The following KCNQ1 variants were observed in gnomAD, a reference collection of about 807,000 sequenced individuals.
The protein encoded by KCNQ1 is potassium voltage-gated channel subfamily Q member 1.
A neutral mutation model predicts 72.4 loss-of-function variants in KCNQ1; 49 were observed. The ratio of observed to expected loss-of-function variants is 0.68; its 90% CI spans 0.54 to 0.86. The LOEUF (loss-of-function observed/expected upper bound fraction) is 0.86, where lower values mean the gene tolerates loss of function less well. Among genes scored for constraint, KCNQ1 ranks in the 40% least tolerant of loss-of-function variants. The probability of loss-of-function intolerance (pLI) is 0.00; values close to 1 mark genes in which losing one functional copy is unlikely to be tolerated. For synonymous variants in KCNQ1, 450 were observed against 412.6 expected, an observed-to-expected ratio of 1.09 and a Z score of -1.10; for missense variants, 790 against 945.1, an observed-to-expected ratio of 0.84 and a Z score of 2.15.
chr11:2,622,719 A>C (rs1393094882), intron 10 of KCNQ1: 9 of 398,318 alleles, frequency 2.3e-5, no homozygotes, highest in Non-Finnish European at 4.0e-5. Context: ...TATTTTAAAG[A>C]CTTTATATTT....
rs901780661 is a variant in KCNQ1, at chr11:2,458,945, G to T, written c.386+13461G>T. The stretch of plus-strand genomic sequence containing the variant: ...CCTCAATAAATGATGACAAATATTG[G>T]ATTAAATTACTTCTGGTTTGCTGCA... On this transcript the variant is annotated intron_variant, in intron 1 of 15. Transcript: ENST00000155840. This position sits in a 1 kb window ranked among gnomAD's most constrained non-coding sequence, Gnocchi z 4.6. 6.6e-6 allele frequency among the ~76,000 whole-genome samples: 1 copy of T among 152,182 alleles called. No individual in the cohort carries two copies. The highest frequency in any genetic ancestry group is 6.5e-5 in the Admixed American group (1 of 15,286).
At chr11:2,791,089 G>C (rs942694745) in intron 15 of KCNQ1, among the ~76,000 whole-genome samples, 1 of 152,252 alleles carries the variant, frequency 6.6e-6, no homozygotes, top group African/African-American at 2.4e-5. Context: ...ATATTGGCCA[G>C]AGAGGAAATT....
chr11:2,661,562 G>A lies in KCNQ1; in HGVS notation c.1394-399G>A. ...CACTACTCTGTCAATGTATGAGTGT[G>A]ACAATGTATGGTGGTGGGAGCTGTT... On this transcript the variant is annotated intron_variant, in intron 10 of 15. Transcript: ENST00000155840. The surrounding 1 kb of genome is among the most constrained non-coding windows in gnomAD (Gnocchi z 5.9). The A allele has an allele frequency of 1.8e-6, 1 of 544,802 alleles. No homozygotes were observed. The highest frequency in any genetic ancestry group is 2.9e-5 in the South Asian group (1 of 34,838). The allele number at this position is 544,802 out of a possible 1,614,324, so 33.7% of individuals were successfully genotyped here. A position where few individuals can be genotyped will look rare whatever the true frequency, so the allele number is the denominator to read the frequency against.
At chr11:2,558,578 C>T (rs1190816228) in intron 2 of KCNQ1, among the ~76,000 whole-genome samples, 3 of 152,340 alleles carry the variant, frequency 2.0e-5, no homozygotes, top group East Asian at 3.9e-4. Flanking sequence ...GCCCTGTGTC[C>T]GCCTCCTGAC....
chr11:2,845,183 T>C (rs1848298721), intron 15 of KCNQ1, among the ~76,000 whole-genome samples: 1 of 152,168 alleles, frequency 6.6e-6, no homozygotes, highest in African/African-American at 2.4e-5. Context: ...GAACGAGACC[T>C]CAGGCCGGTC....
chr11:2,476,261 C>G (rs1289208082), intron 1 of KCNQ1, among the ~76,000 whole-genome samples: 2 of 152,074 alleles, frequency 1.3e-5, no homozygotes, highest in African/African-American at 4.8e-5. Context: ...CTGGATATCT[C>G]TGATTTCAAC....
In KCNQ1 at chr11:2,541,080, C is replaced by T. The variant is rs557225676; in HGVS notation, c.477+13062C>T. Among the ~76,000 whole-genome samples the T allele has an allele frequency of 2.2e-4, 33 of 152,374 alleles. No homozygotes were observed. The highest frequency in any genetic ancestry group is 7.5e-4 in the African/African-American group (31 of 41,594). On this transcript the variant is annotated intron_variant, in intron 2 of 15. Coordinates refer to ENST00000155840, the MANE Select transcript of KCNQ1 (RefSeq NM_000218.3). The surrounding 1 kb of genome is among the most constrained non-coding windows in gnomAD (Gnocchi z 4.8). ...GTGTGTGCACGTTCAGGCTCAGACA[C>T]GTGCCTGCATGCACACGTGCACACG...
At chr11:2,510,911 G>A (rs61490049) in intron 1 of KCNQ1, among the ~76,000 whole-genome samples, 1 of 152,192 alleles carries the variant, frequency 6.6e-6, no homozygotes, top group Non-Finnish European at 1.5e-5. Flanking sequence ...TGCACGTGCA[G>A]TTTTCTCTGC....
At chr11:2,757,313 C>A (rs1049168162) in intron 11 of KCNQ1, among the ~76,000 whole-genome samples, 3 of 152,056 alleles carry the variant, frequency 2.0e-5, no homozygotes, top group Non-Finnish European at 4.4e-5. Context: ...AAATTAGAAA[C>A]AATACCATTT....
rs1846243898 is a variant in KCNQ1 at position 2,752,572 on chromosome 11, C to A, written c.1515-16272C>A. Among the ~76,000 whole-genome samples the A allele has an allele frequency of 6.6e-6, 1 of 152,160 alleles. No individual in the cohort carries two copies. Among genetic ancestry groups the A allele is most frequent in the Admixed American group, 6.5e-5 (1 of 15,288 alleles). On this transcript the variant is annotated intron_variant, in intron 11 of 15. Transcript: ENST00000155840. The surrounding 1 kb of genome is among the most constrained non-coding windows in gnomAD (Gnocchi z 5.2). ...TGTCTGGTAAGGGGTCTGTCTGATT[C>A]ATGGAAGTCAGCGGGCTGTGTCCTC...
At chr11:2,825,339 A>G (rs1284433386) in intron 15 of KCNQ1, among the ~76,000 whole-genome samples, 1 of 152,132 alleles carries the variant, frequency 6.6e-6, no homozygotes, top group Non-Finnish European at 1.5e-5. Flanking sequence ...AGACCTTCCG[A>G]GCCCTCAGCC....
Position 2,669,395 on chromosome 11 carries a change from T to C in KCNQ1, c.1514+7314T>C, listed in dbSNP as rs751710090. ...TTATAGTTTTGGGGCTCCTGAAACA[T>C]GGCATCATGTGTCCCTTGTTTATTT... On this transcript the variant is annotated intron_variant, in intron 11 of 15. Coordinates refer to ENST00000155840, the MANE Select transcript of KCNQ1 (RefSeq NM_000218.3). The surrounding 1 kb of genome is among the most constrained non-coding windows in gnomAD (Gnocchi z 5.6). 1.5e-5 allele frequency: 6 copies of C among 398,548 alleles called. No individual in the cohort carries two copies. The highest frequency in any genetic ancestry group is 2.2e-5 in the Non-Finnish European group (5 of 226,082). The allele number at this position is 398,548 out of a possible 1,614,324, so 24.7% of individuals were successfully genotyped here.
chr11:2,469,643 C>G (rs1846412262), intron 1 of KCNQ1, among the ~76,000 whole-genome samples: 1 of 151,884 alleles, frequency 6.6e-6, no homozygotes, highest in South Asian at 2.1e-4. Flanking sequence ...CTTCCCTTAT[C>G]CCTTGCTAGT....
At chr11:2,840,456 T>C (rs1020350138) in intron 15 of KCNQ1, 1 of 152,040 alleles carries the variant, frequency 6.6e-6, no homozygotes, top group East Asian at 1.9e-4. Flanking sequence ...CAAAAGTAAG[T>C]CTGTAGGTCA....
rs962704521 is a variant in KCNQ1 at position 2,526,539 on chromosome 11, T to C, written c.387-1389T>C. 2.6e-5 allele frequency among the ~76,000 whole-genome samples: 4 copies of C among 151,468 alleles called. No homozygotes were observed. Among genetic ancestry groups the C allele is most frequent in the Admixed American group, 6.6e-5 (1 of 15,238 alleles). ...ACCAGAGGCCAGGAAAGGATTGTCC[T>C]GTCCACAGGAGCTTGGGGAAGGGGG... On this transcript the variant is annotated intron_variant, in intron 1 of 15. Transcript: ENST00000155840. The surrounding 1 kb of genome is among the most constrained non-coding windows in gnomAD (Gnocchi z 6.1).
rs1255390284 is a variant in KCNQ1 at position 2,603,305 on chromosome 11, G to A, written c.1393+14451G>A. ...AGACACTTTATTGCTAAAAAATGCTGACCCAGAATGAAGTGAGCACATGTT... is the reference window on the plus strand; with the variant it reads ...AGACACTTTATTGCTAAAAAATGCTAACCCAGAATGAAGTGAGCACATGTT... On this transcript the variant is annotated intron_variant, in intron 10 of 15. Coordinates refer to ENST00000155840, the MANE Select transcript of KCNQ1 (RefSeq NM_000218.3). The surrounding 1 kb of genome is among the most constrained non-coding windows in gnomAD (Gnocchi z 4.1). Among the ~76,000 whole-genome samples, 1 of 152,146 alleles carries A rather than the reference G, an allele frequency of 6.6e-6. No homozygotes were observed. The highest frequency in any genetic ancestry group is 2.4e-5 in the African/African-American group (1 of 41,430).
intron 2 of KCNQ1, among the ~76,000 whole-genome samples, chr11:2,529,579 C>T (rs907215967): frequency 6.6e-6 from 1 of 152,192 alleles, no homozygotes; most frequent in Non-Finnish European, 1.5e-5. Context: ...GTTGCCATCA[C>T]ATAGGGAGTT....
chr11:2,640,470 G>C (rs571818938), intron 10 of KCNQ1: 61 of 398,332 alleles, frequency 1.5e-4, no homozygotes, highest in African/African-American at 9.7e-4. Flanking sequence ...ATTTTTTGTA[G>C]AGACAGGGTC....
At chr11:2,629,521 A>G (rs2133814275) in intron 10 of KCNQ1, 1 of 398,354 alleles carries the variant, frequency 2.5e-6, no homozygotes, top group East Asian at 3.6e-5. Context: ...GAGTTAGGTA[A>G]AGGTCTCGAC....
Sources: allele counts gnomAD v4.1 joint callset (sites outside exome capture counted in the v4.1 genomes callset), GRCh38; gene constraint gnomAD v4.1.1; non-coding constraint Gnocchi (gnomAD v3.1); transcripts MANE v1.5; gene names NCBI Gene and HGNC (gene_info 2026-07-23, HGNC 2026-07-21).